The following NFIC variants were observed in gnomAD, a reference collection of about 807,000 sequenced individuals.
NFIC encodes nuclear factor I C.
NFIC carries 12 observed loss-of-function variants against 54.4 expected under a neutral mutation model. The observed-to-expected ratio is 0.22, with a 90% CI of 0.14 to 0.36. The LOEUF (loss-of-function observed/expected upper bound fraction) is 0.36, where lower values mean the gene tolerates loss of function less well. Ranked by LOEUF, NFIC falls within the 10% of genes least tolerant of loss-of-function variation. The pLI is 1.00. For missense variants in NFIC, 575 were observed against 718.2 expected, an observed-to-expected ratio of 0.80 and a Z score of 2.28; for synonymous variants, 322 against 319.2, an observed-to-expected ratio of 1.01 and a Z score of -0.09.
intron 6 of NFIC, among the ~76,000 whole-genome samples, chr19:3,442,801 A>C (rs1396759762): frequency 2.0e-5 from 3 of 152,082 alleles, no homozygotes; most frequent in African/African-American, 7.2e-5. Context: ...GCCTTAGGCG[A>C]GTGACGTCCC....
At chr19:3,400,910 TAAAG>T (rs978398654) in intron 2 of NFIC, among the ~76,000 whole-genome samples, 15 of 151,602 alleles carry the variant, frequency 9.9e-5, no homozygotes, top group Admixed American at 9.9e-4. Flanking sequence ...TCAAGAAAAA[TAAAG>T]AAGGCCAAAG....
At chr19:3,426,972 G>C (rs1459353941) in intron 3 of NFIC, among the ~76,000 whole-genome samples, 1 of 149,006 alleles carries the variant, frequency 6.7e-6, no homozygotes, top group Non-Finnish European at 1.5e-5. Context: ...TGTCGCCCAG[G>C]CTAGAGTGCA....
At chr19:3,436,445 T>C (rs1202981209) in intron 6 of NFIC, among the ~76,000 whole-genome samples, 1 of 150,590 alleles carries the variant, frequency 6.6e-6, no homozygotes, top group Non-Finnish European at 1.5e-5. Context: ...ATTCCAGGTG[T>C]GAGCCACCAT....
At chr19:3,429,822 G>C (rs780971773) in intron 3 of NFIC, among the ~76,000 whole-genome samples, 17 of 152,202 alleles carry the variant, frequency 1.1e-4, no homozygotes, top group Non-Finnish European at 2.1e-4. Flanking sequence ...TCTACCCGGA[G>C]GCCTTTGCAC....
Position 3,384,451 on chromosome 19 carries a change from C to A in NFIC, c.562+2208C>A, listed in dbSNP as rs1052612128. Among the ~76,000 whole-genome samples, 11 of 151,820 alleles carry A rather than the reference C, an allele frequency of 7.2e-5. 1 individual carries two copies. The highest frequency in any genetic ancestry group is 5.3e-4 in the Admixed American group (8 of 15,218). On this transcript the variant is annotated intron_variant, in intron 2 of 10. Transcript: ENST00000443272. ...TTCCCCGGGCTGGAGTCCAGTGACGCAATCTCGGCTCACTGCAATCTCCAC... is the reference window on the plus strand; with the variant it reads ...TTCCCCGGGCTGGAGTCCAGTGACGAAATCTCGGCTCACTGCAATCTCCAC...
rs943521096 is a variant in NFIC at position 3,454,010 on chromosome 19, C to T, written c.1423+94C>T. ...CCACTGCCAGGTCAGAGGTCAGGCC[C>T]GACCCTGCAGGGCCTGGCGAGTTTG... On this transcript the variant is annotated intron_variant, in intron 9 of 10. Transcript: ENST00000443272. 20 of 1,410,940 alleles carry T rather than the reference C, an allele frequency of 1.4e-5. No homozygotes were observed. The East Asian group carries it at 2.3e-4, about 16-fold the overall frequency. The allele number at this position is 1,410,940 out of a possible 1,614,324, so 87.4% of individuals were successfully genotyped here. A position where few individuals can be genotyped will look rare whatever the true frequency, so the allele number is the denominator to read the frequency against.
intron 2 of NFIC, among the ~76,000 whole-genome samples, chr19:3,417,792 ATT>A (rs71164696): frequency 7.5e-6 from 1 of 132,590 alleles, no homozygotes; most frequent in African/African-American, 2.8e-5. Context: ...CGCCCGGCTA[ATT>A]TTTTTTTTTT....
rs1014256112 is a variant in NFIC at position 3,463,139 on chromosome 19, C to T, written c.*370C>T. 1.8e-6 allele frequency: 2 copies of T among 1,118,882 alleles called. No homozygotes were observed. Among genetic ancestry groups the T allele is most frequent in the Non-Finnish European group, 2.2e-6 (2 of 915,016 alleles). 69.3% of individuals were successfully genotyped at this position (1,118,882 alleles called of 1,614,324 possible). ...ATTCATCTCCTCTCCGCCTGCTGCTCGGGAAGGACAGACGCCGGCCGCCCG... is the reference window on the plus strand; with the variant it reads ...ATTCATCTCCTCTCCGCCTGCTGCTTGGGAAGGACAGACGCCGGCCGCCCG... On this transcript the variant is annotated 3_prime_UTR_variant, in exon 11 of 11. Transcript: ENST00000443272.
chr19:3,379,992 GT>G (rs1045563210), intron 1 of NFIC, among the ~76,000 whole-genome samples: 2 of 147,734 alleles, frequency 1.4e-5, no homozygotes, highest in South Asian at 4.3e-4. Flanking sequence ...GCCGACCCTA[GT>G]TTTTTTTTGT....
chr19:3,421,115 C>T (rs1303066057), intron 2 of NFIC, among the ~76,000 whole-genome samples: 10 of 152,236 alleles, frequency 6.6e-5, no homozygotes, highest in Non-Finnish European at 1.5e-4. Context: ...AAGAGTGAGG[C>T]GCGGATGCAT....
chr19:3,464,722 AAG>A lies in NFIC; in HGVS notation c.*1957_*1958del. 6 of 985,060 alleles carry A rather than the reference AAG, an allele frequency of 6.1e-6. No individual in the cohort carries two copies. The highest frequency in any genetic ancestry group is 7.2e-6 in the Non-Finnish European group (6 of 829,992). The allele number at this position is 985,060 out of a possible 1,614,324, so 61.0% of individuals were successfully genotyped here. ...AGCTTGGCGAACCCGCTCGCTCCTA[AAG>A]AGAAAGACCCAGGACCCTCCCCCAT... On this transcript the variant is annotated 3_prime_UTR_variant, in exon 11 of 11. Transcript: ENST00000443272.
At chr19:3,448,971 G>T in intron 6 of NFIC, 43 bp from the exon 7 acceptor site, 1 of 1,588,790 alleles carries the variant, frequency 6.3e-7, no homozygotes. Context: ...GGGCTCATGG[G>T]GTGTGACCAG....
rs1363527965 is a variant in NFIC, at chr19:3,451,812, T to A, written c.1085-670T>A. Among the ~76,000 whole-genome samples the A allele has an allele frequency of 1.3e-4, 18 of 133,564 alleles. No individual in the cohort carries two copies. The South Asian group carries it at 3.7e-3, about 27-fold the overall frequency. 87.6% of individuals were successfully genotyped at this position (133,564 alleles called of 152,430 possible). On this transcript the variant is annotated intron_variant, in intron 7 of 10. Transcript: ENST00000443272. Reference sequence around the variant, plus strand: ...GAAGGCCACCCTGTCATCCTCTGTTTAAAAAAAAAAAAAAAAAGACGGGGC... The same window carrying A: ...GAAGGCCACCCTGTCATCCTCTGTTAAAAAAAAAAAAAAAAAAGACGGGGC...
chr19:3,429,132 AAT>A lies in NFIC; in HGVS notation c.634+3959_634+3960del, dbSNP rs766794936. Among the ~76,000 whole-genome samples the A allele has an allele frequency of 9.8e-3, 663 of 67,410 alleles. 55 individuals carry two copies. The highest frequency in any genetic ancestry group is 0.062 in the East Asian group (83 of 1,334). 44.2% of individuals were successfully genotyped at this position (67,410 alleles called of 152,430 possible). The stretch of plus-strand genomic sequence containing the variant: ...AGACCCTATCTCTACCCAAAAAAAA[AAT>A]ATACACACACACACACACACACACA... On this transcript the variant is annotated intron_variant, in intron 3 of 10. Coordinates refer to ENST00000443272, the MANE Select transcript of NFIC (RefSeq NM_001245002.2).
At chr19:3,363,238 T>TGTGTGTGCGTGTGTGTGTGTGC (rs1237685097), upstream of NFIC, among the ~76,000 whole-genome samples, 2 of 64,606 alleles carry the variant, frequency 3.1e-5, 1 homozygote. Context: ...TGTGTATGTG[T>TGTGTGTGCGTGTGTGTGTGTGC]GTGTATATAT....
chr19:3,396,511 T>C (rs908119964), intron 2 of NFIC, among the ~76,000 whole-genome samples: 19 of 148,758 alleles, frequency 1.3e-4, no homozygotes, highest in Non-Finnish European at 2.7e-4. Context: ...TCCAAGAGGC[T>C]GTTATGGGGC....
chr19:3,403,218 A>G (rs944940354), intron 2 of NFIC, among the ~76,000 whole-genome samples: 3 of 152,160 alleles, frequency 2.0e-5, no homozygotes, highest in Non-Finnish European at 4.4e-5. Context: ...GCCACATGAA[A>G]GCTTGGGAAG....
At chr19:3,386,743 C>T (rs1206932938) in intron 2 of NFIC, among the ~76,000 whole-genome samples, 1 of 152,224 alleles carries the variant, frequency 6.6e-6, no homozygotes, top group Non-Finnish European at 1.5e-5. Flanking sequence ...TCTGCCTCTG[C>T]CCTGTCCTTG....
chr19:3,404,379 C>T (rs927383193), intron 2 of NFIC, among the ~76,000 whole-genome samples: 1 of 152,178 alleles, frequency 6.6e-6, no homozygotes, highest in African/African-American at 2.4e-5. Flanking sequence ...CCTCACATCC[C>T]TGGAGTGGCT....
Sources: allele counts gnomAD v4.1 joint callset (sites outside exome capture counted in the v4.1 genomes callset), GRCh38; gene constraint gnomAD v4.1.1; transcripts MANE v1.5; gene names NCBI Gene and HGNC (gene_info 2026-07-23, HGNC 2026-07-21).